Variants in AMBP observed in about 807,000 individuals in gnomAD.
The protein encoded by AMBP is protein AMBP.
A neutral mutation model predicts 46.3 loss-of-function variants in AMBP; 37 were observed. The ratio of observed to expected loss-of-function variants is 0.80; its 90% confidence interval spans 0.61 to 1.05. The LOEUF (loss-of-function observed/expected upper bound fraction) is 1.05. AMBP is among the 50% of genes least tolerant of loss of function. The pLI, the probability that AMBP is intolerant of heterozygous loss-of-function variation, is 0.00. For missense variants in AMBP, 475 were observed against 461.2 expected, an observed-to-expected ratio of 1.03 and a Z score of -0.27; for synonymous variants, 174 against 175.9, an observed-to-expected ratio of 0.99 and a Z score of 0.09.
chr9:114,078,078 G>C lies in AMBP; in HGVS notation c.117+15C>G, dbSNP rs201441866. 7.2e-5 allele frequency: 116 copies of C among 1,613,722 alleles called. No individual in the cohort carries two copies. The highest frequency in any genetic ancestry group is 8.7e-5 in the Non-Finnish European group (103 of 1,179,774). On this transcript the variant is annotated intron_variant, in intron 1 of 9. Coordinates refer to ENST00000265132, the MANE Select transcript of AMBP (RefSeq NM_001633.4). Reference sequence around the variant, plus strand: ...ATCACCACATCCACCCTACCACAGAGAGCGGCAGCCTTACCCGAGAGATAT... The same window carrying C: ...ATCACCACATCCACCCTACCACAGACAGCGGCAGCCTTACCCGAGAGATAT...
chr9:114,063,079 A>T (rs753294603), intron 6 of AMBP, among the ~76,000 whole-genome samples: 1 of 152,180 alleles, frequency 6.6e-6, no homozygotes, highest in Non-Finnish European at 1.5e-5. Flanking sequence ...ACCAGGGGAG[A>T]GCAGCACCCT....
At chr9:114,073,481 G>T (rs1846767230) in intron 4 of AMBP, among the ~76,000 whole-genome samples, 1 of 100,092 alleles carries the variant, frequency 1.0e-5, no homozygotes, top group African/African-American at 4.3e-5. Context: ...AGCCAGGATG[G>T]TCTCAATCCC....
intron 1 of AMBP, 110 bp from the exon 2 acceptor site, chr9:114,076,850 T>C (rs1393730968): frequency 2.3e-6 from 3 of 1,327,442 alleles, no homozygotes; most frequent in Non-Finnish European, 3.1e-6. Flanking sequence ...CTCCTTCTCC[T>C]CAAAATGACT....
At chr9:114,075,164 G>C in intron 2 of AMBP, 128 bp from the exon 3 acceptor site, 1 of 675,590 alleles carries the variant, frequency 1.5e-6, no homozygotes, top group Non-Finnish European at 2.5e-6. Flanking sequence ...GTTTTTGTTT[G>C]CTTTTTAATT....
At chr9:114,076,859 C>CT in intron 1 of AMBP, 119 bp from the exon 2 acceptor site, 1 of 1,286,640 alleles carries the variant, frequency 7.8e-7, no homozygotes, top group South Asian at 1.5e-5. Flanking sequence ...CTCAAAATGA[C>CT]TTATCCTTTT....
intron 6 of AMBP, among the ~76,000 whole-genome samples, chr9:114,064,034 GC>G (rs1303624923): frequency 6.6e-6 from 1 of 152,184 alleles, no homozygotes; most frequent in Non-Finnish European, 1.5e-5. Flanking sequence ...GAGCCTGGTG[GC>G]CCTCAGAGTA....
rs1846753546 is a variant in AMBP, at chr9:114,072,290, GTGCA to G, written c.556+631_556+634del. ...GCGCCAGCTGGGAAATCTGCTTGTG[GTGCA>G]CCTGGTCCAGCCATACCCTTACAGA... On this transcript the variant is annotated intron_variant, in intron 5 of 9. Transcript: ENST00000265132. Among the ~76,000 whole-genome samples, 3 of 152,284 alleles carry G rather than the reference GTGCA, an allele frequency of 2.0e-5. No homozygotes were observed. The South Asian group carries it at 6.2e-4, about 32-fold the overall frequency.
At position 114,072,850 on chromosome 9, in the gene AMBP, G is replaced by C. The variant is rs528435064; in HGVS notation, c.556+75C>G. The stretch of plus-strand genomic sequence containing the variant: ...CTCAGAGGGTTATAGTAAGGACCCA[G>C]GGGCTGGGATGGTCTCTGGCGCCCA... On this transcript the variant is annotated intron_variant, in intron 5 of 9. Coordinates refer to ENST00000265132, the MANE Select transcript of AMBP (RefSeq NM_001633.4). 3.9e-4 allele frequency: 538 copies of C among 1,372,756 alleles called. 5 individuals carry two copies. The African/African-American group carries it at 5.4e-3, about 14-fold the overall frequency. 85.0% of individuals were successfully genotyped at this position (1,372,756 alleles called of 1,614,324 possible).
At chr9:114,070,148 A>G (rs1332065005) in intron 5 of AMBP, among the ~76,000 whole-genome samples, 1 of 152,224 alleles carries the variant, frequency 6.6e-6, no homozygotes, top group African/African-American at 2.4e-5. Flanking sequence ...TGAGAAGTTG[A>G]CTAGCCAGAG....
intron 6 of AMBP, among the ~76,000 whole-genome samples, chr9:114,066,090 C>G (rs1846690418): frequency 1.3e-5 from 2 of 152,196 alleles, no homozygotes; most frequent in Admixed American, 1.3e-4. Flanking sequence ...GCGCACCTCC[C>G]AGACTGATCA....
intron 5 of AMBP, among the ~76,000 whole-genome samples, chr9:114,072,552 A>G: frequency 6.6e-6 from 1 of 152,230 alleles, no homozygotes; most frequent in African/African-American, 2.4e-5. Flanking sequence ...AGGCAAAGGC[A>G]CCACTGGCCA....
Position 114,076,629 on chromosome 9 carries a change from C to T in AMBP, c.229G>A (p.Ala77Thr), listed in dbSNP as rs1425105748. 3 of 1,613,996 alleles carry T rather than the reference C, an allele frequency of 1.9e-6. No individual in the cohort carries two copies. Among genetic ancestry groups the T allele is most frequent in the Non-Finnish European group, 2.5e-6 (3 of 1,179,984 alleles). The change falls in exon 2 of 10, where the codon GCG becomes ACG. Residue 77 changes from alanine to threonine, a missense_variant. By Grantham distance (58) the Ala-to-Thr change is moderately conservative. This residue lies in a region of AMBP where 179 missense variants were observed against 167.4 expected (regional missense o/e 1.07). Transcript: ENST00000265132. ...CGAGTGCTGGTCATGCTGATCTCCG[C>T]CTCTGTAGCGCCCTCTCCCAGCACC... ...TLVLGEGATE[A>T]EISMTSTRWR... is the part of the protein sequence containing the mutation.
At chr9:114,068,812 A>AC (rs1846716982) in intron 6 of AMBP, among the ~76,000 whole-genome samples, 1 of 149,474 alleles carries the variant, frequency 6.7e-6, no homozygotes, top group Non-Finnish European at 1.5e-5. Context: ...TGAGATTAAA[A>AC]AAAAAAAAAA....
chr9:114,076,837 C>G (rs1846817973), intron 1 of AMBP, 97 bp from the exon 2 acceptor site: 5 of 1,381,262 alleles, frequency 3.6e-6, no homozygotes, highest in Non-Finnish European at 5.0e-6. Context: ...CCTCCTCTTC[C>G]TCCTCCTTCT....
intron 5 of AMBP, among the ~76,000 whole-genome samples, chr9:114,071,985 C>A (rs2134853164): frequency 6.6e-6 from 1 of 152,332 alleles, no homozygotes; most frequent in South Asian, 2.1e-4. Context: ...CAGTAAAGCT[C>A]CCCTTCATCT....
chr9:114,075,783 T>C (rs1222589695), intron 2 of AMBP, among the ~76,000 whole-genome samples: 1 of 152,156 alleles, frequency 6.6e-6, no homozygotes, highest in East Asian at 1.9e-4. Flanking sequence ...CCTGGGTGTC[T>C]GGGAGGGCTT....
chr9:114,076,271 C>T (rs1296661709), intron 2 of AMBP, among the ~76,000 whole-genome samples: 1 of 151,552 alleles, frequency 6.6e-6, no homozygotes, highest in African/African-American at 2.4e-5. Flanking sequence ...GGAGAATGGG[C>T]AGGACTTGAT....
At chr9:114,073,363 C>T (rs992421850) in intron 4 of AMBP, among the ~76,000 whole-genome samples, 15 of 152,058 alleles carry the variant, frequency 9.9e-5, no homozygotes, top group Admixed American at 4.6e-4. Context: ...TCTCCTGCCT[C>T]AGCCTCCTGA....
At chr9:114,060,336 T>C (rs1016897850) in intron 9 of AMBP, 66 bp from the exon 10 acceptor site, 40 of 1,557,572 alleles carry the variant, frequency 2.6e-5, no homozygotes, top group Admixed American at 3.4e-5. Context: ...GGAAAGCAGC[T>C]GTCGCCTGGG....
Sources: allele counts gnomAD v4.1 joint callset (sites outside exome capture counted in the v4.1 genomes callset), GRCh38; gene constraint gnomAD v4.1.1; regional missense constraint gnomAD v4.1.1; transcripts MANE v1.5; gene names NCBI Gene and HGNC (gene_info 2026-07-23, HGNC 2026-07-21).